FASN: variants seen among roughly 807,000 people sequenced by gnomAD.
FASN encodes the protein 3-hydroxyacyl-[acyl-carrier-protein] dehydratase.
FASN carries 50 observed loss-of-function variants against 250.0 expected under a neutral mutation model. The ratio of observed to expected loss-of-function variants is 0.20; its 90% confidence interval spans 0.16 to 0.25. The LOEUF (loss-of-function observed/expected upper bound fraction) is 0.25. FASN is among the 10% of genes least tolerant of loss of function. The pLI is 1.00. For missense variants in FASN, 3,031 were observed against 3,498.5 expected (o/e 0.87, Z 3.37); for synonymous variants, 1,909 against 1,584.0 (o/e 1.21, Z -4.87).
chr17:82,094,662 G>A (rs1378266872), intron 3 of FASN, among the ~76,000 whole-genome samples: 2 of 151,608 alleles, frequency 1.3e-5, no homozygotes, highest in African/African-American at 4.8e-5. Context: ...GGTGGTGGGC[G>A]CCTGTAGTCC....
intron 3 of FASN, among the ~76,000 whole-genome samples, chr17:82,095,033 T>C (rs1017162771): frequency 1.3e-4 from 20 of 152,032 alleles, no homozygotes; most frequent in Non-Finnish European, 1.9e-4. Flanking sequence ...TTGCCTCTCG[T>C]CACTCCAGCC....
At chr17:82,079,854 A>C (rs1050147834) in intron 41 of FASN, 8 of 636,280 alleles carry the variant, frequency 1.3e-5, no homozygotes, top group Non-Finnish European at 2.2e-5. Context: ...ACTATAGGTG[A>C]GTGCCACCAT....
chr17:82,081,184 G>A lies in FASN; in HGVS notation c.6575C>T (p.Ser2192Leu). The change falls in exon 38 of 43, where the codon TCA becomes TTA. Residue 2192 changes from serine (S) to leucine (L), a missense_variant. Coordinates refer to ENST00000306749, the MANE Select transcript of FASN (RefSeq NM_004104.5). ...CGCACCGCTGGCCTCATCCGCCTTT[G>A]AGGACAGCTCCTGCAGTTTCCGGAG... Reference protein sequence around the residue: ...LTLRKLQELSSKADEASELAC... With the variant: ...LTLRKLQELSLKADEASELAC... 6.3e-7 allele frequency: 1 copy of A among 1,591,826 alleles called. No homozygotes were observed. Among genetic ancestry groups the A allele is most frequent in the Non-Finnish European group, 8.5e-7 (1 of 1,170,338 alleles).
At chr17:82,079,796 C>T (rs2033955696) in intron 41 of FASN, 188 bp from the exon 42 acceptor site, 7 of 782,892 alleles carry the variant, frequency 8.9e-6, no homozygotes, top group Non-Finnish European at 1.4e-5. Context: ...CCTCCCTCCG[C>T]AACCTCCACC....
At position 82,089,253 on chromosome 17, in the gene FASN, C is replaced by T; in HGVS notation, c.2097G>A (p.Lys699=). The T allele has an allele frequency of 6.2e-7, 1 of 1,612,610 alleles. No homozygotes were observed. Among genetic ancestry groups the T allele is most frequent in the Non-Finnish European group, 8.5e-7 (1 of 1,179,882 alleles). The change falls in exon 13 of 43, where the codon AAG becomes AAA. Residue 699 remains lysine, a synonymous_variant. Transcript: ENST00000306749. ...AIAPPLLQEL[K]KVIREPKPRS... is the part of the protein sequence containing the mutation. ...CCCCCAGGCCGTATTAGTCCACCTT[C>T]TTGAGCTCCTGCAGCAGTGGGGGTG...
Position 82,092,553 on chromosome 17 carries a change from C to T in FASN, c.931G>A (p.Ala311Thr), listed in dbSNP as rs773009544. ...GGCTCCTGGCGGGTGGCGCACAGGG[C>T]TCGGGTGATGCCATTCAGCTCCTGG... ...DPQELNGITR[A>T]LCATRQEPLL... The change falls in exon 8 of 43, where the codon GCC (alanine) becomes ACC (threonine). Residue 311 changes from alanine to threonine, a missense_variant. Coordinates refer to ENST00000306749, the MANE Select transcript of FASN (RefSeq NM_004104.5). 2.6e-5 allele frequency: 42 copies of T among 1,606,670 alleles called. No individual in the cohort carries two copies. The highest frequency in any genetic ancestry group is 3.6e-5 in the Non-Finnish European group (42 of 1,179,268).
At position 82,079,239 on chromosome 17, in the gene FASN, G is replaced by A; in HGVS notation, c.7440C>T (p.Asp2480=). The A allele has an allele frequency of 6.2e-7, 1 of 1,613,034 alleles. No individual in the cohort carries two copies. The highest frequency in any genetic ancestry group is 8.5e-7 in the Non-Finnish European group (1 of 1,179,966). ...CGCTGCCCTCCAGCAGCGTGCGGTG[G>A]TCACCCTCGATGACGTGGACGGATA... ...GKVSVHVIEG[D]HRTLLEGSGL... The change falls in exon 43 of 43, where the codon GAC becomes GAT. Residue 2480 remains aspartate, a synonymous_variant. Transcript: ENST00000306749.
At chr17:82,091,907 G>A (rs2034216764) in intron 8 of FASN, among the ~76,000 whole-genome samples, 1 of 152,212 alleles carries the variant, frequency 6.6e-6, no homozygotes, top group Admixed American at 6.5e-5. Flanking sequence ...TTCCGGCCTT[G>A]CTGCCTCCCA....
chr17:82,091,706 G>A (rs766489182), intron 8 of FASN, 22 bp from the exon 9 acceptor site: 8 of 1,544,546 alleles, frequency 5.2e-6, no homozygotes, highest in African/African-American at 2.7e-5. Flanking sequence ...CGTGGTGGAT[G>A]GGCAGCCGCC....
intron 41 of FASN, 26 bp from the exon 42 acceptor site, chr17:82,079,634 G>A: frequency 6.3e-7 from 1 of 1,597,492 alleles, no homozygotes; most frequent in Non-Finnish European, 8.5e-7. Flanking sequence ...CTGAGCAGGT[G>A]CTGGCAGCAC....
chr17:82,091,569 G>T lies in FASN; in HGVS notation c.1145C>A (p.Pro382His). The T allele has an allele frequency of 6.3e-7, 1 of 1,588,398 alleles. No individual in the cohort carries two copies. The highest frequency in any genetic ancestry group is 8.6e-7 in the Non-Finnish European group (1 of 1,169,096). Residue 382 changes from proline to histidine, a missense_variant, in exon 9 of 43, where the codon CCC becomes CAC. By Grantham distance (77) the Pro-to-His change is moderately conservative. Transcript: ENST00000306749. ...GRLQVVDQPLPVRGGNVGINS... is the reference protein window; with the variant it reads ...GRLQVVDQPLHVRGGNVGINS... ...GATGCCCACGTTGCCGCCACGGACG[G>T]GCAGGGGCTGGTCCACCACCTGCAG...
Position 82,080,792 on chromosome 17 carries a change from C to A in FASN, c.6726G>T (p.Arg2242=). The change falls in exon 39 of 43, where the codon CGG becomes CGT. Residue 2242 remains arginine, a synonymous_variant. Transcript: ENST00000306749. The stretch of plus-strand genomic sequence containing the variant: ...CGATTGGGTGCACCAGGAACAGGGG[C>A]CGCTCCGAGCTCTGCACGGAGTTGA... ...MRLNSVQSSE[R]PLFLVHPIEG... is the part of the protein sequence containing the mutation. The A allele has an allele frequency of 6.2e-7, 1 of 1,605,554 alleles. No individual in the cohort carries two copies.
chr17:82,088,390 C>T lies in FASN; in HGVS notation c.2593G>A (p.Asp865Asn), dbSNP rs199546508. The change falls in exon 16 of 43, where the codon GAC becomes AAC. Residue 865 changes from aspartate to asparagine, a missense_variant and splice_region_variant. Physicochemically the swap from Asp to Asn is conservative, Grantham distance 23. Transcript: ENST00000306749. ...GCCCACCCGCCGGGCCCCTGCTCAC[C>T]GATGTTGTAGATGGCGGCTGAGGGG... ...GSPSAAIYNIDTSSESPDHYL... is the reference protein window; with the variant it reads ...GSPSAAIYNINTSSESPDHYL... 4.6e-5 allele frequency: 74 copies of T among 1,612,178 alleles called. No homozygotes were observed. The highest frequency in any genetic ancestry group is 1.3e-4 in the Admixed American group (8 of 59,988).
At chr17:82,084,206 C>T (rs981196907) in intron 28 of FASN, 28 bp downstream of exon 28, 9 of 1,610,160 alleles carry the variant, frequency 5.6e-6, no homozygotes, top group Non-Finnish European at 7.6e-6. Context: ...CCACGTGGGG[C>T]CCAGGCTCAC....
rs775516460 is a variant in FASN at position 82,083,753 on chromosome 17, G to A, written c.5218+19C>T. The A allele has an allele frequency of 3.1e-6, 5 of 1,611,244 alleles. No individual in the cohort carries two copies. The South Asian group carries it at 5.5e-5, about 18-fold the overall frequency. On this transcript the variant is annotated intron_variant, in intron 30 of 42. Transcript: ENST00000306749. ...GGAGGCTAGGCAGGAGGCAGGTGGGGGCTGTGGGGGCCACTCACCCTTCCC... is the reference window on the plus strand; with the variant it reads ...GGAGGCTAGGCAGGAGGCAGGTGGGAGCTGTGGGGGCCACTCACCCTTCCC...
At chr17:82,094,133 A>G in intron 3 of FASN, 2 of 385,484 alleles carry the variant, frequency 5.2e-6, no homozygotes, top group South Asian at 2.2e-5. Context: ...CCCTGGTGTC[A>G]CCGGCAGCTC....
chr17:82,083,680 G>C, intron 30 of FASN, 41 bp from the exon 31 acceptor site: 1 of 1,603,676 alleles, frequency 6.2e-7, no homozygotes, highest in Non-Finnish European at 8.5e-7. Flanking sequence ...CCCACTGCAA[G>C]CCCAGCCACC....
At position 82,079,180 on chromosome 17, in the gene FASN, G is replaced by A. The variant is rs2033943780; in HGVS notation, c.7499C>T (p.Ser2500Phe). 1.2e-6 allele frequency: 2 copies of A among 1,612,724 alleles called. No homozygotes were observed. The highest frequency in any genetic ancestry group is 1.1e-5 in the South Asian group (1 of 91,096). The change falls in exon 43 of 43, where the codon TCC becomes TTC. Residue 2500 changes from serine (S) to phenylalanine (F), a missense_variant. By Grantham distance (155) the Ser-to-Phe change is radical. Coordinates refer to ENST00000306749, the MANE Select transcript of FASN (RefSeq NM_004104.5). ...CACGCTCACGCGTGGCTCAGCCAGG[G>A]AGCTGTGGATGATGCTGATGATGGA... ...LESIISIIHS[S>F]LAEPRVSVRE...
Position 82,084,394 on chromosome 17 carries a change from A to T in FASN, c.4769-10T>A, listed in dbSNP as rs768073871. 3 of 1,602,710 alleles carry T rather than the reference A, an allele frequency of 1.9e-6. No homozygotes were observed. Among genetic ancestry groups the T allele is most frequent in the Non-Finnish European group, 1.7e-6 (2 of 1,175,494 alleles). On this transcript the variant is annotated splice_polypyrimidine_tract_variant and intron_variant, in intron 27 of 42. Transcript: ENST00000306749. ...TGGGAGGTCCACTTCCCTGGGGGAG[A>T]CGGCACTGAGCCCCTCACCGCCTGC...
Sources: allele counts gnomAD v4.1 joint callset (sites outside exome capture counted in the v4.1 genomes callset), GRCh38; gene constraint gnomAD v4.1.1; transcripts MANE v1.5; gene names NCBI Gene and HGNC (gene_info 2026-07-23, HGNC 2026-07-21).